COL4A4: variants seen among roughly 807,000 people sequenced by gnomAD.
COL4A4 encodes collagen type IV alpha 4 chain.
In COL4A4, 105 loss-of-function variants were observed where a neutral mutation model predicts 192.9. The observed-to-expected ratio is 0.54, with a 90% CI of 0.46 to 0.64. The LOEUF is 0.64. COL4A4 is among the 30% of genes least tolerant of loss of function. The pLI is 0.00. For synonymous variants in COL4A4, 762 were observed against 769.9 expected, an observed-to-expected ratio of 0.99 and a Z score of 0.17; for missense variants, 1,967 against 2,169.3, an observed-to-expected ratio of 0.91 and a Z score of 1.85.
At chr2:226,982,352 C>T in the COL4A4 span, among the ~76,000 whole-genome samples, 1 of 152,250 alleles carries the variant, frequency 6.6e-6, no homozygotes, top group East Asian at 1.9e-4. Flanking sequence ...CAGATAATCT[C>T]AGGGACAATA....
rs200814061 is a variant in COL4A4, at chr2:227,057,582, C to A, written c.2402G>T (p.Gly801Val). 6.2e-7 allele frequency: 1 copy of A among 1,614,120 alleles called. No individual in the cohort carries two copies. The highest frequency in any genetic ancestry group is 8.5e-7 in the Non-Finnish European group (1 of 1,180,028). Reference sequence around the variant, plus strand: ...TTTGGGACCTTTGAGACCTAGGAATCCAGGAATGCCAGCTGGCCCTGAAAT... The same window carrying A: ...TTTGGGACCTTTGAGACCTAGGAATACAGGAATGCCAGCTGGCCCTGAAAT... Reference protein sequence around the residue: ...PGAEGPAGIPGFLGLKGPKGR... With the variant: ...PGAEGPAGIPVFLGLKGPKGR... The change falls in exon 29 of 48, where the codon GGA becomes GTA. Residue 801 changes from glycine to valine, a missense_variant. Gly to Val is a moderately radical substitution (Grantham distance 109, BLOSUM62 -3). Transcript: ENST00000396625.
At chr2:227,149,408 G>A (rs2063766167) in intron 1 of COL4A4, among the ~76,000 whole-genome samples, 1 of 151,996 alleles carries the variant, frequency 6.6e-6, no homozygotes, top group Admixed American at 6.6e-5. Flanking sequence ...TTTCTGGTTG[G>A]GCCAGTAAAG....
intron 4 of COL4A4, among the ~76,000 whole-genome samples, chr2:227,136,505 C>T (rs1318655335): frequency 6.6e-6 from 1 of 152,202 alleles, no homozygotes; most frequent in African/African-American, 2.4e-5. Context: ...GATGAAAACT[C>T]ATGCTGGGGC....
intron 25 of COL4A4, among the ~76,000 whole-genome samples, chr2:227,070,404 A>T (rs1414144237): frequency 3.3e-5 from 5 of 152,164 alleles, no homozygotes; most frequent in Non-Finnish European, 5.9e-5. Flanking sequence ...ATGCTGCTTT[A>T]AAGACACATG....
chr2:227,038,853 T>C (rs1006810991), intron 37 of COL4A4, among the ~76,000 whole-genome samples: 4 of 152,262 alleles, frequency 2.6e-5, no homozygotes, highest in African/African-American at 9.6e-5. Context: ...TATATCAGCA[T>C]GATAAGCTGC....
At chr2:227,096,225 C>G (rs528153157) in intron 19 of COL4A4, among the ~76,000 whole-genome samples, 4 of 152,112 alleles carry the variant, frequency 2.6e-5, no homozygotes, top group Non-Finnish European at 5.9e-5. Flanking sequence ...GTAAGGAAGC[C>G]TTAGTACAGA....
chr2:227,017,548 CT>C (rs1320967296), intron 44 of COL4A4, among the ~76,000 whole-genome samples: 1 of 152,088 alleles, frequency 6.6e-6, no homozygotes, highest in Non-Finnish European at 1.5e-5. Context: ...ATGGAAAACA[CT>C]TTTGAGTTCA....
chr2:226,998,531 C>G (rs962701323), downstream of COL4A4: 3 of 152,100 alleles, frequency 2.0e-5, no homozygotes, highest in Non-Finnish European at 4.4e-5. Flanking sequence ...TATATAACTT[C>G]TTCCTTTCCC....
intron 35 of COL4A4, among the ~76,000 whole-genome samples, chr2:227,046,082 G>A (rs1458001661): frequency 1.1e-3 from 66 of 61,848 alleles, no homozygotes; most frequent in African/African-American, 3.5e-3. Context: ...TATATATTTA[G>A]ATATATATGT....
At chr2:227,002,202 C>CAGTT (rs953977136), downstream of COL4A4, among the ~76,000 whole-genome samples, 7 of 147,630 alleles carry the variant, frequency 4.7e-5, no homozygotes, top group African/African-American at 1.0e-4. Context: ...GGCCACAAAG[C>CAGTT]AGTTATTGAA....
chr2:227,019,720 T>A (rs1965607458), intron 44 of COL4A4, among the ~76,000 whole-genome samples: 1 of 152,236 alleles, frequency 6.6e-6, no homozygotes, highest in Non-Finnish European at 1.5e-5. Flanking sequence ...CAGGCTAGAG[T>A]GCAGTGGTGC....
In COL4A4 at chr2:227,056,281, C is replaced by A. The variant is rs554067962; in HGVS notation, c.2546-166G>T. Among the ~76,000 whole-genome samples the A allele has an allele frequency of 1.6e-4, 24 of 152,250 alleles. No homozygotes were observed. The South Asian group carries it at 5.0e-3, about 32-fold the overall frequency. On this transcript the variant is annotated intron_variant, in intron 29 of 47. Coordinates refer to ENST00000396625, the MANE Select transcript of COL4A4 (RefSeq NM_000092.5). ...TCCATCAATCTAAGAATATATTTTT[C>A]TAGATGCCATAAATAGAAGGGCAGA...
intron 42 of COL4A4, among the ~76,000 whole-genome samples, chr2:227,027,039 G>C (rs550262380): frequency 2.0e-4 from 30 of 152,226 alleles, no homozygotes; most frequent in Admixed American, 7.2e-4. Flanking sequence ...CTGATCACCT[G>C]AGGTCAGGAG....
In COL4A4 at chr2:227,065,239, G is replaced by T. The variant is rs192682765; in HGVS notation, c.1988-2641C>A. On this transcript the variant is annotated intron_variant, in intron 25 of 47. Transcript: ENST00000396625. ...CCGCACCTGGCTCGGAGGGTCCTAC[G>T]CCAGGCTGATTGCTAGCACAGCAGT... Among the ~76,000 whole-genome samples the T allele has an allele frequency of 3.6e-3, 550 of 152,304 alleles. 5 individuals carry two copies. The highest frequency in any genetic ancestry group is 2.8e-3 in the Non-Finnish European group (191 of 68,024).
intron 22 of COL4A4, among the ~76,000 whole-genome samples, chr2:227,087,618 C>T (rs1354596551): frequency 6.6e-6 from 1 of 152,182 alleles, no homozygotes; most frequent in African/African-American, 2.4e-5. Flanking sequence ...AGCACCACCA[C>T]ATTAAGGCAT....
the COL4A4 span, among the ~76,000 whole-genome samples, chr2:226,985,176 C>T: frequency 1.3e-5 from 2 of 152,162 alleles, no homozygotes; most frequent in African/African-American, 2.4e-5. Context: ...CTCACTAACA[C>T]GAGGCAGCAT....
chr2:227,083,176 C>T (rs188786041), intron 22 of COL4A4, among the ~76,000 whole-genome samples: 111 of 152,290 alleles, frequency 7.3e-4, no homozygotes, highest in African/African-American at 2.5e-3. Flanking sequence ...TTGCAGTGAG[C>T]TGAGATCGTG....
chr2:227,072,511 T>A (rs1347194830), intron 25 of COL4A4, among the ~76,000 whole-genome samples: 2 of 151,860 alleles, frequency 1.3e-5, no homozygotes, highest in African/African-American at 2.4e-5. Context: ...CTGAAACTGT[T>A]CCAAAAGATT....
rs549698552 is a variant in COL4A4 at position 227,035,495 on chromosome 2, T to C, written c.3506-2014A>G. ...CATTATTCTTTTAAGATCTAGGATTTAGATTGGTTCAAATGAGCCATATTC... is the reference window on the plus strand; with the variant it reads ...CATTATTCTTTTAAGATCTAGGATTCAGATTGGTTCAAATGAGCCATATTC... On this transcript the variant is annotated intron_variant, in intron 37 of 47. Coordinates refer to ENST00000396625, the MANE Select transcript of COL4A4 (RefSeq NM_000092.5). Among the ~76,000 whole-genome samples, 46 of 151,270 alleles carry C rather than the reference T, an allele frequency of 3.0e-4. No homozygotes were observed. The South Asian group carries it at 3.5e-3, about 12-fold the overall frequency.
Sources: gnomAD v4.1 joint callset for allele counts (sites outside exome capture counted in the v4.1 genomes callset) on GRCh38, gnomAD v4.1.1 for gene constraint, MANE v1.5 for transcripts, NCBI Gene and HGNC (gene_info 2026-07-23, HGNC 2026-07-21) for gene names.